IFNAR2: variants seen among roughly 807,000 people sequenced by gnomAD.
IFNAR2 encodes the protein interferon alpha/beta receptor 2.
Under a neutral mutation model 49.4 loss-of-function variants are expected in IFNAR2, and 30 were observed. The observed-to-expected ratio is 0.61, with a 90% CI of 0.45 to 0.82. The LOEUF is 0.82. Ranked by LOEUF, IFNAR2 falls within the 40% of genes least tolerant of loss-of-function variation. The pLI is 0.00. For missense variants in IFNAR2, 600 were observed against 622.7 expected, an observed-to-expected ratio of 0.96 and a Z score of 0.39; for synonymous variants, 224 against 234.5, an observed-to-expected ratio of 0.96 and a Z score of 0.41.
rs866733383 is a variant in IFNAR2 at position 33,263,301 on chromosome 21, C to T, written c.1349C>T (p.Ser450Leu). 1.9e-6 allele frequency: 3 copies of T among 1,614,026 alleles called. No individual in the cohort carries two copies. The highest frequency in any genetic ancestry group is 2.5e-6 in the Non-Finnish European group (3 of 1,180,028). The change falls in exon 9 of 9, where the codon TCG (serine) becomes TTG (leucine). Residue 450 changes from serine to leucine, a missense_variant. Coordinates refer to ENST00000342136, the MANE Select transcript of IFNAR2 (RefSeq NM_001289125.3). Reference sequence around the variant, plus strand: ...GACTTAGAAGCCCCTCTGATGCTATCGTCTCATCTGGAAGAGATGGTTGAC... The same window carrying T: ...GACTTAGAAGCCCCTCTGATGCTATTGTCTCATCTGGAAGAGATGGTTGAC... Reference protein sequence around the residue: ...SDDLEAPLMLSSHLEEMVDPE... With the variant: ...SDDLEAPLMLLSHLEEMVDPE...
intron 1 of IFNAR2, among the ~76,000 whole-genome samples, chr21:33,237,407 T>C (rs1293125053): frequency 1.3e-5 from 2 of 151,162 alleles, no homozygotes; most frequent in African/African-American, 4.9e-5. Context: ...TAGTGGCAAA[T>C]GCCTGTAGTC....
At chr21:33,242,750 C>T (rs1568881790) in intron 2 of IFNAR2, among the ~76,000 whole-genome samples, 2 of 12,646 alleles carry the variant, frequency 1.6e-4, no homozygotes, top group Non-Finnish European at 3.3e-4. Flanking sequence ...AAAAAAAAAT[C>T]TCGTGTGCGT....
chr21:33,255,096 T>C (rs571292095), intron 7 of IFNAR2, among the ~76,000 whole-genome samples: 70 of 152,298 alleles, frequency 4.6e-4, no homozygotes, highest in African/African-American at 1.5e-3. Context: ...GGAAAAAACA[T>C]GTCAAACACC....
intron 1 of IFNAR2, among the ~76,000 whole-genome samples, chr21:33,236,586 G>T (rs911959581): frequency 6.6e-6 from 1 of 152,150 alleles, no homozygotes; most frequent in African/African-American, 2.4e-5. Flanking sequence ...GCACCAGGAG[G>T]GCTTCAGCGG....
At chr21:33,247,246 C>CTTTTTTTTTT (rs71194830) in intron 5 of IFNAR2, among the ~76,000 whole-genome samples, 3 of 101,244 alleles carry the variant, frequency 3.0e-5, no homozygotes, top group Non-Finnish European at 6.1e-5. Context: ...TTCTTTCTTT[C>CTTTTTTTTTT]TTTCTTTCTT....
chr21:33,232,342 G>T (rs2123437046), intron 1 of IFNAR2, among the ~76,000 whole-genome samples: 1 of 152,238 alleles, frequency 6.6e-6, no homozygotes, highest in African/African-American at 2.4e-5. Context: ...GGCAGAGGAG[G>T]TTGGCTGACT....
rs1477145612 is a variant in IFNAR2, at chr21:33,260,664, C to G, written c.777C>G (p.Ser259Arg). 6.2e-7 allele frequency: 1 copy of G among 1,603,416 alleles called. No homozygotes were observed. The change falls in exon 8 of 9, where the codon AGC becomes AGG. Residue 259 changes from serine (S) to arginine (R), a missense_variant. By Grantham distance (110) the Ser-to-Arg change is moderately radical (BLOSUM62 -1). Coordinates refer to ENST00000342136, the MANE Select transcript of IFNAR2 (RefSeq NM_001289125.3). ...TVFLIALVLT[S>R]TIVTLKWIGY... ...TTTTGATAGCATTGGTCTTGACAAG[C>G]ACCATAGTGACACTGAAATGGATTG...
intron 1 of IFNAR2, among the ~76,000 whole-genome samples, chr21:33,239,678 A>G (rs1568879175): frequency 7.1e-6 from 1 of 141,338 alleles, no homozygotes; most frequent in Non-Finnish European, 1.5e-5. Flanking sequence ...TACAGGTTCT[A>G]TACCCTCCAT....
chr21:33,243,916 A>G (rs1006660832), intron 3 of IFNAR2, among the ~76,000 whole-genome samples: 7 of 152,222 alleles, frequency 4.6e-5, no homozygotes, highest in African/African-American at 1.7e-4. Context: ...TAAGAAATGA[A>G]CACTAGAGAT....
chr21:33,237,187 A>G (rs1173265119), intron 1 of IFNAR2, among the ~76,000 whole-genome samples: 1 of 151,758 alleles, frequency 6.6e-6, no homozygotes, highest in Non-Finnish European at 1.5e-5. Context: ...TTGGAGACAA[A>G]TGGGGACCAG....
At chr21:33,261,044 T>TC (rs1294851164) in intron 8 of IFNAR2, among the ~76,000 whole-genome samples, 8 of 140,612 alleles carry the variant, frequency 5.7e-5, no homozygotes, top group African/African-American at 2.1e-4. Flanking sequence ...CCTTTTTTTT[T>TC]TTTTTTTTTT....
intron 7 of IFNAR2, among the ~76,000 whole-genome samples, chr21:33,257,843 A>AT (rs1791454337): frequency 6.6e-6 from 1 of 152,194 alleles, no homozygotes; most frequent in African/African-American, 2.4e-5. Context: ...CACCCACAGC[A>AT]TCCACCACAG....
At position 33,260,617 on chromosome 21, in the gene IFNAR2, A is replaced by C. The variant is rs1304468462; in HGVS notation, c.730A>C (p.Ile244Leu). ...QESESAESAK[I>L]GGIITVFLIA... ...AACAGAATCAGCAGAATCTGCCAAA[A>C]TAGGAGGAATAATTACTGTGTTTTT... The change falls in exon 8 of 9, where the codon ATA becomes CTA. Residue 244 changes from isoleucine (I) to leucine (L), a missense_variant. By Grantham distance (5) the Ile-to-Leu change is conservative (BLOSUM62 2). Transcript: ENST00000342136. The C allele has an allele frequency of 6.3e-7, 1 of 1,584,610 alleles. No homozygotes were observed. The highest frequency in any genetic ancestry group is 1.4e-5 in the African/African-American group (1 of 73,334).
intron 5 of IFNAR2, 72 bp from the exon 6 acceptor site, chr21:33,248,637 A>G: frequency 7.0e-7 from 1 of 1,436,110 alleles, no homozygotes; most frequent in Non-Finnish European, 9.3e-7. Context: ...GCCAGAGAAG[A>G]ACCACTTTAG....
intron 7 of IFNAR2, among the ~76,000 whole-genome samples, chr21:33,258,554 ATATAT>A (rs1439416366): frequency 7.2e-5 from 11 of 152,134 alleles, no homozygotes; most frequent in Admixed American, 2.6e-4. Flanking sequence ...TATTAATATA[ATATAT>A]TTATATTGTT....
At chr21:33,239,756 G>T (rs867433598) in intron 1 of IFNAR2, among the ~76,000 whole-genome samples, 39 of 151,412 alleles carry the variant, frequency 2.6e-4, no homozygotes, top group South Asian at 1.0e-3. Context: ...CCCTCCTGGG[G>T]CCCAGAGTGG....
chr21:33,246,328 C>T (rs576259314), intron 4 of IFNAR2, among the ~76,000 whole-genome samples: 1 of 152,296 alleles, frequency 6.6e-6, no homozygotes, highest in East Asian at 1.9e-4. Flanking sequence ...CCTTGGCCTC[C>T]CAAAGTGCTG....
rs1248026297 is a variant in IFNAR2 at position 33,264,644 on chromosome 21, G to A, written c.*1144G>A. Reference sequence around the variant, plus strand: ...TGATTCCGAGTCGAGTGTGTCAGCTGTGATTACAGTGCCTGTGGATCTAGG... The same window carrying A: ...TGATTCCGAGTCGAGTGTGTCAGCTATGATTACAGTGCCTGTGGATCTAGG... On this transcript the variant is annotated 3_prime_UTR_variant, in exon 9 of 9. Coordinates refer to ENST00000342136, the MANE Select transcript of IFNAR2 (RefSeq NM_001289125.3). 2.0e-5 allele frequency: 3 copies of A among 150,656 alleles called. No homozygotes were observed. Among genetic ancestry groups the A allele is most frequent in the Non-Finnish European group, 4.4e-5 (3 of 67,656 alleles). The allele number at this position is 150,656 out of a possible 1,614,324, so 9.3% of individuals were successfully genotyped here.
chr21:33,245,156 G>C, intron 4 of IFNAR2, 82 bp downstream of exon 4: 1 of 1,038,308 alleles, frequency 9.6e-7, no homozygotes, highest in South Asian at 1.4e-5. Context: ...CTCTCTCTCT[G>C]TCTCTCCCTC....
Sources: gnomAD v4.1 joint callset for allele counts (sites outside exome capture counted in the v4.1 genomes callset) on GRCh38, gnomAD v4.1.1 for gene constraint, MANE v1.5 for transcripts, NCBI Gene and HGNC (gene_info 2026-07-23, HGNC 2026-07-21) for gene names.